The following ZNF823 variants were observed in gnomAD, a reference collection of about 807,000 sequenced individuals.
ZNF823 encodes the protein zinc finger protein 823.
In ZNF823, 5 loss-of-function variants were observed where a neutral mutation model predicts 11.4. That is an observed-to-expected ratio of 0.44 (90% CI 0.23 to 0.92). The LOEUF (loss-of-function observed/expected upper bound fraction) is 0.92. Ranked by LOEUF, ZNF823 falls within the 40% of genes least tolerant of loss-of-function variation. The pLI, the probability that ZNF823 is intolerant of heterozygous loss-of-function variation, is 0.24. For synonymous variants in ZNF823, 234 were observed against 250.5 expected (o/e 0.93, Z 0.62); for missense variants, 582 against 738.5 (o/e 0.79, Z 2.46).
At chr19:11,724,659 C>T (rs961489069) in intron 2 of ZNF823, among the ~76,000 whole-genome samples, 5 of 150,556 alleles carry the variant, frequency 3.3e-5, no homozygotes, top group African/African-American at 9.8e-5. Context: ...CCCAGGTTCA[C>T]GTCATTCTCC....
At chr19:11,725,142 TG>T in intron 2 of ZNF823, 58 bp downstream of exon 2, 1 of 1,587,526 alleles carries the variant, frequency 6.3e-7, no homozygotes, top group Middle Eastern at 1.7e-4. Flanking sequence ...TGAACAGCGT[TG>T]ATGGCCAGGA....
intron 1 of ZNF823, among the ~76,000 whole-genome samples, chr19:11,729,044 G>A (rs1451856896): frequency 6.6e-6 from 1 of 152,000 alleles, no homozygotes; most frequent in Non-Finnish European, 1.5e-5. Flanking sequence ...GCGTGGCAGT[G>A]CATGCCTGTA....
chr19:11,731,547 C>G (rs1974894889), intron 1 of ZNF823, among the ~76,000 whole-genome samples: 1 of 152,054 alleles, frequency 6.6e-6, no homozygotes, highest in Admixed American at 6.6e-5. Context: ...AACTGGGTGT[C>G]CAGTAGTTCA....
chr19:11,733,070 C>T (rs780262906), intron 1 of ZNF823, among the ~76,000 whole-genome samples: 2 of 152,066 alleles, frequency 1.3e-5, no homozygotes, highest in Non-Finnish European at 2.9e-5. Context: ...TTTGCCAGGA[C>T]CTAGAAATAA....
intron 1 of ZNF823, among the ~76,000 whole-genome samples, chr19:11,737,560 CTTT>C (rs766360043): frequency 2.7e-5 from 3 of 110,492 alleles, no homozygotes; most frequent in South Asian, 3.0e-4. Context: ...CCGCGCCCGG[CTTT>C]TTTTTTTTTT....
Position 11,722,637 on chromosome 19 carries a change from C to T in ZNF823, c.897G>A (p.Thr299=), listed in dbSNP as rs148737775. The change falls in exon 4 of 4, where the codon ACG becomes ACA. Residue 299 remains threonine, a synonymous_variant. Coordinates refer to ENST00000341191, the MANE Select transcript of ZNF823 (RefSeq NM_001080493.4). This position sits in a 1 kb window ranked among gnomAD's most constrained non-coding sequence, Gnocchi z 5.2. ...GCTTACATGCATAGGGTTGTTCTCC[C>T]GTGTGAGTCCTTTCATGTAGTCGAG... ...YYTRLHERTH[T]GEQPYACKQC... 1.7e-4 allele frequency: 271 copies of T among 1,613,010 alleles called. No homozygotes were observed. The highest frequency in any genetic ancestry group is 2.3e-4 in the African/African-American group (17 of 74,698).
Position 11,721,315 on chromosome 19 carries a change from G to A in ZNF823, c.*386C>T, listed in dbSNP as rs1258698909. 6.1e-6 allele frequency: 1 copy of A among 165,240 alleles called. No individual in the cohort carries two copies. Among genetic ancestry groups the A allele is most frequent in the Non-Finnish European group, 1.3e-5 (1 of 76,596 alleles). 10.2% of individuals were successfully genotyped at this position (165,240 alleles called of 1,614,324 possible). A position where few individuals can be genotyped will look rare whatever the true frequency, so the allele number is the denominator to read the frequency against. Reference sequence around the variant, plus strand: ...TCTGGGTGACATATACCACGTAGGTGGGCCTGCAATGGTTGTGTCTGCATC... The same window carrying A: ...TCTGGGTGACATATACCACGTAGGTAGGCCTGCAATGGTTGTGTCTGCATC... On this transcript the variant is annotated 3_prime_UTR_variant, in exon 4 of 4. Transcript: ENST00000341191.
At chr19:11,738,170 C>T (rs1975029363) in intron 1 of ZNF823, among the ~76,000 whole-genome samples, 1 of 152,220 alleles carries the variant, frequency 6.6e-6, no homozygotes, top group Admixed American at 6.5e-5. Flanking sequence ...CCGGCTTCCT[C>T]ATCGTGCCCG....
rs774752391 is a variant in ZNF823 at position 11,738,807 on chromosome 19, G to A, written c.3+10C>T. On this transcript the variant is annotated intron_variant, in intron 1 of 3. Coordinates refer to ENST00000341191, the MANE Select transcript of ZNF823 (RefSeq NM_001080493.4). ...TCTTTGCCTCGGGACGCCGGGCCCC[G>A]CACACTCACCATTTCCCAGCTTCCA... The A allele has an allele frequency of 9.3e-6, 15 of 1,609,366 alleles. No individual in the cohort carries two copies. In the East Asian group the frequency reaches 3.1e-4, roughly 34 times the overall value.
At position 11,721,957 on chromosome 19, in the gene ZNF823, G is replaced by A. The variant is rs772401915; in HGVS notation, c.1577C>T (p.Pro526Leu). Reference sequence around the variant, plus strand: ...TTTTCCACATTCCTTACATTCATATGGCTTCTCTCCAGAGTGAATCCTTTC... The same window carrying A: ...TTTTCCACATTCCTTACATTCATATAGCTTCTCTCCAGAGTGAATCCTTTC... ...VHERIHSGEKPYECKECGKAF... is the reference protein window; with the variant it reads ...VHERIHSGEKLYECKECGKAF... Residue 526 changes from proline to leucine, a missense_variant, in exon 4 of 4, where the codon CCA becomes CTA. By Grantham distance (98) the Pro-to-Leu change is moderately conservative. Coordinates refer to ENST00000341191, the MANE Select transcript of ZNF823 (RefSeq NM_001080493.4). 8 of 1,613,928 alleles carry A rather than the reference G, an allele frequency of 5.0e-6. No homozygotes were observed. In the South Asian group the frequency reaches 8.8e-5, roughly 18 times the overall value.
chr19:11,724,053 C>T (rs1974745274), intron 3 of ZNF823, 141 bp downstream of exon 3: 1 of 669,314 alleles, frequency 1.5e-6, no homozygotes, highest in African/African-American at 1.9e-5. Flanking sequence ...GTGCGAGTCA[C>T]TGTGCTTGGT....
chr19:11,723,844 C>T (rs1035448599), intron 3 of ZNF823, among the ~76,000 whole-genome samples: 3 of 152,082 alleles, frequency 2.0e-5, no homozygotes, highest in Non-Finnish European at 2.9e-5. Context: ...CGCTCCTGGC[C>T]CACATGGAGA....
intron 2 of ZNF823, 69 bp from the exon 3 acceptor site, chr19:11,724,323 G>T (rs190874845): frequency 1.4e-6 from 2 of 1,391,256 alleles, no homozygotes; most frequent in South Asian, 2.6e-5. Flanking sequence ...AAGATTTTAC[G>T]CGTACTGCAA....
At chr19:11,738,643 C>A (rs887616150) in intron 1 of ZNF823, among the ~76,000 whole-genome samples, 174 bp downstream of exon 1, 7 of 152,230 alleles carry the variant, frequency 4.6e-5, no homozygotes, top group African/African-American at 1.7e-4. Flanking sequence ...TCCCGGCTGC[C>A]GCCCCAGCCC....
At chr19:11,724,696 C>T (rs1974758862) in intron 2 of ZNF823, among the ~76,000 whole-genome samples, 1 of 151,532 alleles carries the variant, frequency 6.6e-6, no homozygotes, top group Admixed American at 6.6e-5. Flanking sequence ...GTAGCTGGGG[C>T]TACAGGTGTC....
rs763583081 is a variant in ZNF823 at position 11,722,415 on chromosome 19, C to G, written c.1119G>C (p.Ser373=). The G allele has an allele frequency of 1.2e-6, 2 of 1,612,990 alleles. No individual in the cohort carries two copies. Among genetic ancestry groups the G allele is most frequent in the South Asian group, 1.1e-5 (1 of 91,010 alleles). The change falls in exon 4 of 4, where the codon TCG becomes TCC. Residue 373 remains serine, a synonymous_variant. Transcript: ENST00000341191. The surrounding 1 kb of genome is among the most constrained non-coding windows in gnomAD (Gnocchi z 5.2). The part of the protein sequence containing the change: ...KQCGKVLSHS[S]SFRSHMITHT... Reference sequence around the variant, plus strand: ...GTGTTATCATGTGACTTCGAAAGCTCGAGCTATGAGATAACACTTTCCCAC... The same window carrying G: ...GTGTTATCATGTGACTTCGAAAGCTGGAGCTATGAGATAACACTTTCCCAC...
At chr19:11,730,753 C>T (rs904869014) in intron 1 of ZNF823, 2 of 152,108 alleles carry the variant, frequency 1.3e-5, no homozygotes, top group African/African-American at 4.8e-5. Flanking sequence ...CCAGTTAATC[C>T]ATACATGCCA....
At chr19:11,727,012 C>A (rs971534087) in intron 1 of ZNF823, among the ~76,000 whole-genome samples, 1 of 152,110 alleles carries the variant, frequency 6.6e-6, no homozygotes, top group African/African-American at 2.4e-5. Context: ...ATCTCACTAT[C>A]TCAATGGAAA....
chr19:11,723,744 C>T (rs1400790579), intron 3 of ZNF823, among the ~76,000 whole-genome samples: 1 of 152,130 alleles, frequency 6.6e-6, no homozygotes, highest in East Asian at 1.9e-4. Flanking sequence ...AGGGTTTCTC[C>T]ATGTTGGCCA....
Sources: gnomAD v4.1 joint callset for allele counts (sites outside exome capture counted in the v4.1 genomes callset) on GRCh38, gnomAD v4.1.1 for gene constraint, Gnocchi (gnomAD v3.1) non-coding constraint, MANE v1.5 for transcripts, NCBI Gene and HGNC (gene_info 2026-07-23, HGNC 2026-07-21) for gene names.